Variants in ASXL3 observed in about 807,000 individuals in gnomAD.
ASXL3 encodes the protein ASXL transcriptional regulator 3.
In ASXL3, 34 loss-of-function variants were observed where a neutral mutation model predicts 170.6. That is an observed-to-expected ratio of 0.20 (90% CI 0.15 to 0.27). ASXL3 has a LOEUF of 0.27. Ranked by LOEUF, ASXL3 falls within the 10% of genes least tolerant of loss-of-function variation. ASXL3 has a pLI of 1.00. For synonymous variants in ASXL3, 1,002 were observed against 989.1 expected, an observed-to-expected ratio of 1.01 and a Z score of -0.24; for missense variants, 2,592 against 2,695.3, an observed-to-expected ratio of 0.96 and a Z score of 0.85.
rs371386010 is a variant in ASXL3 at position 33,738,859 on chromosome 18, T to A, written c.1455T>A (p.Asn485Lys). The change falls in exon 11 of 12, where the codon AAT (asparagine) becomes AAA (lysine). Residue 485 changes from asparagine (N) to lysine (K), a missense_variant. Around this residue, in one of 4 missense-constraint regions of ASXL3, gnomAD observed 2,246 missense variants for 2,219.6 expected, o/e 1.01. Coordinates refer to ENST00000269197, the MANE Select transcript of ASXL3 (RefSeq NM_030632.3). The stretch of plus-strand genomic sequence containing the variant: ...CTGAGGAGGCTGAAAGTCTAACCAA[T>A]TCTCATGAAGAACCCCAAATAGCAC... Reference protein sequence around the residue: ...EFSEEAESLTNSHEEPQIAPP... With the variant: ...EFSEEAESLTKSHEEPQIAPP... The A allele has an allele frequency of 6.8e-6, 11 of 1,613,530 alleles. No individual in the cohort carries two copies. The highest frequency in any genetic ancestry group is 1.3e-5 in the African/African-American group (1 of 74,918).
intron 1 of ASXL3, among the ~76,000 whole-genome samples, chr18:33,595,369 T>G (rs2065116492): frequency 6.6e-6 from 1 of 152,208 alleles, no homozygotes; most frequent in Non-Finnish European, 1.5e-5. Flanking sequence ...TATCTTTCTG[T>G]TAATCTAAAG....
chr18:33,735,795 T>G (rs990831445), intron 10 of ASXL3, among the ~76,000 whole-genome samples: 1 of 151,932 alleles, frequency 6.6e-6, no homozygotes, highest in African/African-American at 2.4e-5. Context: ...AGACCCATTC[T>G]TTTATTAATT....
chr18:33,596,748 T>G (rs2065130754), intron 1 of ASXL3, among the ~76,000 whole-genome samples: 1 of 152,196 alleles, frequency 6.6e-6, no homozygotes, highest in South Asian at 2.1e-4. Flanking sequence ...CTGTTTCTGT[T>G]ATTGGTTGAG....
At chr18:33,700,872 A>G (rs2066862302) in intron 8 of ASXL3, among the ~76,000 whole-genome samples, 2 of 152,050 alleles carry the variant, frequency 1.3e-5, no homozygotes, top group African/African-American at 4.8e-5. Context: ...TGAACTGGGT[A>G]AAAGTAAAGG....
intron 1 of ASXL3, 135 bp downstream of exon 1, chr18:33,578,820 T>C: frequency 2.0e-6 from 1 of 502,410 alleles, no homozygotes; most frequent in Non-Finnish European, 2.7e-6. Context: ...CTCTTTGTTA[T>C]TCTGCGGGAG....
chr18:33,652,118 A>G (rs541257199), intron 4 of ASXL3, among the ~76,000 whole-genome samples: 1 of 152,198 alleles, frequency 6.6e-6, no homozygotes, highest in South Asian at 2.1e-4. Context: ...ATGACCATTT[A>G]TGCCTATGTA....
chr18:33,633,353 A>G lies in ASXL3; in HGVS notation c.138-11541A>G, dbSNP rs1037028175. Among the ~76,000 whole-genome samples, 6 of 152,176 alleles carry G rather than the reference A, an allele frequency of 3.9e-5. No homozygotes were observed. In the East Asian group the frequency reaches 1.2e-3, roughly 29 times the overall value. ...CAAACTAAGTGTTCTGTAATAAGGA[A>G]ATACTTAAACGAATTATGATACAGT... On this transcript the variant is annotated intron_variant, in intron 2 of 11. Coordinates refer to ENST00000269197, the MANE Select transcript of ASXL3 (RefSeq NM_030632.3).
chr18:33,700,670 A>AT lies in ASXL3; in HGVS notation c.879+17105dup, dbSNP rs1325571699. The stretch of plus-strand genomic sequence containing the variant: ...CCTTAGAGAGCGATAAGGGCCCTGA[A>AT]TTTGAAGGCTTTATTAACAAACCTC... On this transcript the variant is annotated intron_variant, in intron 8 of 11. Transcript: ENST00000269197. Among the ~76,000 whole-genome samples, 6 of 152,244 alleles carry AT rather than the reference A, an allele frequency of 3.9e-5. No homozygotes were observed. The South Asian group carries it at 8.3e-4, about 21-fold the overall frequency.
At chr18:33,584,269 G>A (rs921925690) in intron 1 of ASXL3, among the ~76,000 whole-genome samples, 1 of 152,080 alleles carries the variant, frequency 6.6e-6, no homozygotes, top group Non-Finnish European at 1.5e-5. Flanking sequence ...ACTTGGGGGG[G>A]CATAGGCACT....
At chr18:33,690,055 A>C (rs1269712333) in intron 8 of ASXL3, among the ~76,000 whole-genome samples, 1 of 152,068 alleles carries the variant, frequency 6.6e-6, no homozygotes, top group Non-Finnish European at 1.5e-5. Flanking sequence ...ATAGGGTCTC[A>C]CTGTGTTGCC....
At chr18:33,625,145 C>T (rs1445698054) in intron 2 of ASXL3, among the ~76,000 whole-genome samples, 1 of 151,966 alleles carries the variant, frequency 6.6e-6, no homozygotes, top group Non-Finnish European at 1.5e-5. Flanking sequence ...GGGGGAATTT[C>T]TAGTGTATCA....
chr18:33,657,806 T>C (rs2066107741), intron 4 of ASXL3, among the ~76,000 whole-genome samples: 1 of 152,138 alleles, frequency 6.6e-6, no homozygotes, highest in African/African-American at 2.4e-5. Context: ...GATTAGCTTT[T>C]AACTATGCTT....
intron 2 of ASXL3, among the ~76,000 whole-genome samples, chr18:33,609,600 A>G (rs1459595174): frequency 2.0e-5 from 3 of 152,126 alleles, no homozygotes; most frequent in Admixed American, 6.6e-5. Flanking sequence ...TTAAAAACCA[A>G]CTTCTTCAAA....
intron 8 of ASXL3, among the ~76,000 whole-genome samples, chr18:33,711,324 T>G (rs1325769489): frequency 6.6e-6 from 1 of 152,228 alleles, no homozygotes; most frequent in Non-Finnish European, 1.5e-5. Context: ...TCTTCTCATT[T>G]AATTTTGTAT....
At chr18:33,659,236 T>C (rs1300590667) in intron 4 of ASXL3, among the ~76,000 whole-genome samples, 1 of 152,024 alleles carries the variant, frequency 6.6e-6, no homozygotes, top group Non-Finnish European at 1.5e-5. Flanking sequence ...CCTGCTGAAG[T>C]GGAGTTTGCC....
chr18:33,710,117 G>A (rs1010604440), intron 8 of ASXL3, among the ~76,000 whole-genome samples: 5 of 152,174 alleles, frequency 3.3e-5, no homozygotes, highest in East Asian at 1.9e-4. Flanking sequence ...TTAGTCAGGC[G>A]TGGTGGCACA....
At chr18:33,606,207 G>T (rs1421377623) in intron 1 of ASXL3, among the ~76,000 whole-genome samples, 2 of 151,336 alleles carry the variant, frequency 1.3e-5, no homozygotes, top group Admixed American at 6.6e-5. Context: ...TCCCCTTTTC[G>T]AGTGTTCAGT....
chr18:33,713,344 C>CG (rs1555736913), intron 8 of ASXL3, among the ~76,000 whole-genome samples: 1 of 133,352 alleles, frequency 7.5e-6, no homozygotes, highest in South Asian at 2.5e-4. Flanking sequence ...AACCTCCACC[C>CG]CCCCCCGGGT....
intron 9 of ASXL3, 145 bp from the exon 10 acceptor site, chr18:33,734,165 A>G: frequency 2.4e-6 from 1 of 409,640 alleles, no homozygotes. Flanking sequence ...GTTCATAAAA[A>G]GAGAAGATGT....
Sources: gnomAD v4.1 joint callset for allele counts (sites outside exome capture counted in the v4.1 genomes callset) on GRCh38, gnomAD v4.1.1 for gene constraint, gnomAD v4.1.1 regional missense constraint, MANE v1.5 for transcripts, NCBI Gene and HGNC (gene_info 2026-07-23, HGNC 2026-07-21) for gene names.